CWC22: variants seen among roughly 807,000 people sequenced by gnomAD.
CWC22 encodes the protein pre-mRNA-splicing factor CWC22 homolog.
Under a neutral mutation model 117.2 loss-of-function variants are expected in CWC22, and 53 were observed. The ratio of observed to expected loss-of-function variants is 0.45; its 90% CI spans 0.36 to 0.57. The LOEUF (loss-of-function observed/expected upper bound fraction) is 0.57. Among genes scored for constraint, CWC22 ranks in the 20% least tolerant of loss-of-function variants. The pLI, the probability that CWC22 is intolerant of heterozygous loss-of-function variation, is 0.00. For missense variants in CWC22, 980 were observed against 1,068.8 expected, an observed-to-expected ratio of 0.92 and a Z score of 1.16; for synonymous variants, 360 against 355.6, an observed-to-expected ratio of 1.01 and a Z score of -0.14.
rs77437558 is a variant in CWC22, at chr2:179,975,243, T to G, written c.582-1441A>C. On this transcript the variant is annotated intron_variant, in intron 6 of 19. Transcript: ENST00000410053. ...CTTCTGCTTTTCTAAAATGTATTGC[T>G]CATCTTTCCCATTTCTCTCACATTC... Among the ~76,000 whole-genome samples, 17 of 152,304 alleles carry G rather than the reference T, an allele frequency of 1.1e-4. No homozygotes were observed. The East Asian group carries it at 2.7e-3, about 24-fold the overall frequency.
At chr2:179,956,501 C>T (rs1559286006) in intron 14 of CWC22, among the ~76,000 whole-genome samples, 1 of 151,388 alleles carries the variant, frequency 6.6e-6, no homozygotes, top group Non-Finnish European at 1.5e-5. Context: ...GATACTGATA[C>T]TCAAGGAACA....
intron 4 of CWC22, among the ~76,000 whole-genome samples, chr2:179,982,222 C>T (rs182690269): frequency 4.6e-5 from 7 of 151,888 alleles, no homozygotes; most frequent in Middle Eastern, 3.4e-3. Context: ...GAAGGGGAGA[C>T]GAAGGATGAC....
chr2:179,946,829 C>G (rs1686318973), intron 19 of CWC22, among the ~76,000 whole-genome samples: 1 of 152,184 alleles, frequency 6.6e-6, no homozygotes, highest in Non-Finnish European at 1.5e-5. Flanking sequence ...GTTCTCCCCT[C>G]TGTTACTATC....
rs1686255966 is a variant in CWC22 at position 179,945,115 on chromosome 2, G to A, written c.*14C>T. 3.2e-6 allele frequency: 5 copies of A among 1,562,540 alleles called. No homozygotes were observed. The highest frequency in any genetic ancestry group is 2.8e-5 in the African/African-American group (2 of 72,518). On this transcript the variant is annotated 3_prime_UTR_variant, in exon 20 of 20. Coordinates refer to ENST00000410053, the MANE Select transcript of CWC22 (RefSeq NM_020943.3). ...TGAATATAAGGCATGTCCAGTTTAT[G>A]TCATTTTGTAGAATTATTTTTGTTT...
At chr2:179,973,066 T>C in intron 8 of CWC22, 127 bp downstream of exon 8, 1 of 444,062 alleles carries the variant, frequency 2.3e-6, no homozygotes. Context: ...AAAATGAAAA[T>C]ATCATCCAAC....
At chr2:179,980,937 C>T (rs1687271130) in intron 5 of CWC22, among the ~76,000 whole-genome samples, 2 of 152,148 alleles carry the variant, frequency 1.3e-5, no homozygotes, top group African/African-American at 4.8e-5. Context: ...AGAAAAATAT[C>T]TTAAAAACTT....
intron 4 of CWC22, among the ~76,000 whole-genome samples, chr2:179,982,715 A>G (rs1687315932): frequency 6.6e-6 from 1 of 152,198 alleles, no homozygotes; most frequent in Non-Finnish European, 1.5e-5. Context: ...GTACCTGATT[A>G]TCCTTTCTTA....
At chr2:179,955,933 T>A (rs1234150938) in intron 14 of CWC22, among the ~76,000 whole-genome samples, 1 of 152,038 alleles carries the variant, frequency 6.6e-6, no homozygotes, top group Non-Finnish European at 1.5e-5. Flanking sequence ...CTACGATCAG[T>A]GTAATCTTTT....
chr2:179,945,709 T>C lies in CWC22; in HGVS notation c.2147A>G (p.Asp716Gly), dbSNP rs747986710. The C allele has an allele frequency of 9.0e-6, 14 of 1,556,398 alleles. 1 individual carries two copies. The highest frequency in any genetic ancestry group is 1.7e-4 in the Middle Eastern group (1 of 5,902). The change falls in exon 20 of 20, where the codon GAT (aspartate) becomes GGT (glycine). Residue 716 changes from aspartate to glycine, a missense_variant. Physicochemically the swap from Asp to Gly is moderately conservative, Grantham distance 94 (BLOSUM62 -1). This residue lies in a region of CWC22 where 306 missense variants were observed against 296.8 expected (regional missense o/e 1.03). Coordinates refer to ENST00000410053, the MANE Select transcript of CWC22 (RefSeq NM_020943.3). ...ISSHSSASAN[D>G]VRKKGHGKTR... ...CTTCCCATGTCCCTTCTTTCTTACATCATTAGCTGCGTGTGTAAAATAAAA... is the reference window on the plus strand; with the variant it reads ...CTTCCCATGTCCCTTCTTTCTTACACCATTAGCTGCGTGTGTAAAATAAAA...
intron 1 of CWC22, among the ~76,000 whole-genome samples, chr2:179,995,056 T>G (rs542817845): frequency 6.6e-6 from 1 of 152,266 alleles, no homozygotes; most frequent in East Asian, 1.9e-4. Context: ...AGGCGGAGCT[T>G]GCAGTGAGCT....
At chr2:179,955,843 G>A (rs947434544) in intron 14 of CWC22, among the ~76,000 whole-genome samples, 1 of 151,824 alleles carries the variant, frequency 6.6e-6, no homozygotes, top group East Asian at 1.9e-4. Context: ...AATATGTATT[G>A]ATTATAGCAA....
chr2:179,945,822 T>C lies in CWC22; in HGVS notation c.2141-107A>G, dbSNP rs1015482221. The C allele has an allele frequency of 1.0e-5, 7 of 703,322 alleles. No individual in the cohort carries two copies. In the Admixed American group the frequency reaches 1.6e-4, roughly 16 times the overall value. 43.6% of individuals were successfully genotyped at this position (703,322 alleles called of 1,614,324 possible). ...TGTAGGTTTACTAACTCAGATAAACTAGGTGCAAAGCCAAATTGATTGAAT... is the reference window on the plus strand; with the variant it reads ...TGTAGGTTTACTAACTCAGATAAACCAGGTGCAAAGCCAAATTGATTGAAT... On this transcript the variant is annotated intron_variant, in intron 19 of 19. Transcript: ENST00000410053.
chr2:179,966,682 C>T (rs1242236905), intron 11 of CWC22, among the ~76,000 whole-genome samples: 1 of 152,102 alleles, frequency 6.6e-6, no homozygotes, highest in African/African-American at 2.4e-5. Context: ...TAAGGCCAGT[C>T]ATTATGTTAA....
At chr2:179,959,232 T>C (rs1686684107) in intron 13 of CWC22, 150 bp from the exon 14 acceptor site, 1 of 520,434 alleles carries the variant, frequency 1.9e-6, no homozygotes, top group Non-Finnish European at 3.5e-6. Flanking sequence ...AATATAGCTC[T>C]TAACTCTAGA....
chr2:179,982,029 G>T lies in CWC22; in HGVS notation c.207-32C>A, dbSNP rs770993448. 1.3e-5 allele frequency: 16 copies of T among 1,231,406 alleles called. No individual in the cohort carries two copies. The African/African-American group carries it at 2.3e-4, about 18-fold the overall frequency. 76.3% of individuals were successfully genotyped at this position (1,231,406 alleles called of 1,614,324 possible). ...TATAAATTTTTTGAAGAGCAGAAAA[G>T]ACAATATAAAACACACTCTTAGCAA... On this transcript the variant is annotated intron_variant, in intron 4 of 19. Coordinates refer to ENST00000410053, the MANE Select transcript of CWC22 (RefSeq NM_020943.3).
intron 2 of CWC22, among the ~76,000 whole-genome samples, chr2:179,990,005 ACTAT>A (rs763417049): frequency 6.6e-6 from 1 of 152,162 alleles, no homozygotes; most frequent in African/African-American, 2.4e-5. Flanking sequence ...TGATTTTATG[ACTAT>A]CTAATTAACA....
At chr2:179,969,150 G>A (rs540009968) in intron 11 of CWC22, among the ~76,000 whole-genome samples, 2 of 152,220 alleles carry the variant, frequency 1.3e-5, no homozygotes, top group South Asian at 2.1e-4. Flanking sequence ...GAAATGGATA[G>A]AGAATTCTCA....
At chr2:179,953,153 A>G (rs772662058) in intron 16 of CWC22, among the ~76,000 whole-genome samples, 13 of 151,828 alleles carry the variant, frequency 8.6e-5, no homozygotes, top group Non-Finnish European at 1.0e-4. Context: ...TTAGTTGGTT[A>G]ATTGTTTAAA....
Position 179,972,049 on chromosome 2 carries a change from G to A in CWC22, c.805-973C>T, listed in dbSNP as rs555421240. ...CTAAGTGTAATACACATTTAAAAAC[G>A]GAAATATATCTCTGGTTACAGATGT... On this transcript the variant is annotated intron_variant, in intron 8 of 19. Transcript: ENST00000410053. 4.3e-4 allele frequency among the ~76,000 whole-genome samples: 65 copies of A among 152,210 alleles called. 1 individual carries two copies. Among genetic ancestry groups the A allele is most frequent in the Non-Finnish European group, 2.2e-4 (15 of 68,002 alleles).
Sources: gnomAD v4.1 joint callset for allele counts (sites outside exome capture counted in the v4.1 genomes callset) on GRCh38, gnomAD v4.1.1 for gene constraint, gnomAD v4.1.1 regional missense constraint, MANE v1.5 for transcripts, NCBI Gene and HGNC (gene_info 2026-07-23, HGNC 2026-07-21) for gene names.